Variants in PCSK9 observed in about 807,000 individuals in gnomAD.
PCSK9 encodes convertase subtilisin/kexin type 9 preproprotein.
Under a neutral mutation model 62.1 loss-of-function variants are expected in PCSK9, and 57 were observed. The ratio of observed to expected loss-of-function variants is 0.92; its 90% CI spans 0.74 to 1.14. The LOEUF (loss-of-function observed/expected upper bound fraction) is 1.14. PCSK9 is among the 50% of genes most tolerant of loss of function. The probability of loss-of-function intolerance (pLI) is 0.00; values close to 1 mark genes in which losing one functional copy is unlikely to be tolerated. For missense variants in PCSK9, 870 were observed against 959.8 expected, an observed-to-expected ratio of 0.91 and a Z score of 1.24; for synonymous variants, 387 against 409.4, an observed-to-expected ratio of 0.95 and a Z score of 0.66.
rs768895535 is a variant in PCSK9, at chr1:55,043,887, G to A, written c.252G>A (p.Glu84=). The A allele has an allele frequency of 6.2e-7, 1 of 1,614,222 alleles. No individual in the cohort carries two copies. The highest frequency in any genetic ancestry group is 8.5e-7 in the Non-Finnish European group (1 of 1,180,036). The change falls in exon 2 of 12, where the codon GAG becomes GAA. Residue 84 remains glutamate, a synonymous_variant. Transcript: ENST00000302118. ...LPGTYVVVLK[E]ETHLSQSERT... ...GCACCTACGTGGTGGTGCTGAAGGA[G>A]GAGACCCACCTCTCGCAGTCAGAGC...
Position 55,040,111 on chromosome 1 carries a change from C to T in PCSK9, c.207+67C>T. ...GGGACGGTGCGGTGCTGTTTCCTCTCGGGCCTCAGTTTCCCCCCATGTAAG... is the reference window on the plus strand; with the variant it reads ...GGGACGGTGCGGTGCTGTTTCCTCTTGGGCCTCAGTTTCCCCCCATGTAAG... On this transcript the variant is annotated intron_variant, in intron 1 of 11. Transcript: ENST00000302118. The surrounding 1 kb of genome is among the most constrained non-coding windows in gnomAD (Gnocchi z 4.1). 2.6e-6 allele frequency: 4 copies of T among 1,518,674 alleles called. No homozygotes were observed. Among genetic ancestry groups the T allele is most frequent in the South Asian group, 1.2e-5 (1 of 82,894 alleles). The allele number at this position is 1,518,674 out of a possible 1,614,324, so 94.1% of individuals were successfully genotyped here. A position where few individuals can be genotyped will look rare whatever the true frequency, so the allele number is the denominator to read the frequency against.
In PCSK9 at chr1:55,039,581, C is replaced by A; in HGVS notation, c.-257C>A. The A allele has an allele frequency of 1.7e-6, 1 of 576,792 alleles. No individual in the cohort carries two copies. The highest frequency in any genetic ancestry group is 2.1e-5 in the South Asian group (1 of 47,056). 35.7% of individuals were successfully genotyped at this position (576,792 alleles called of 1,614,324 possible). On this transcript the variant is annotated 5_prime_UTR_variant, in exon 1 of 12. Coordinates refer to ENST00000302118, the MANE Select transcript of PCSK9 (RefSeq NM_174936.4). ...CGAGGCGCTCATGGTTGCAGGCGGG[C>A]GCCGCCGTTCAGTTCAGGGTCTGAG...
Position 55,046,583 on chromosome 1 carries a change from AT to A in PCSK9, c.461del (p.Ile154ThrfsTer32). 6.2e-7 allele frequency: 1 copy of A among 1,614,166 alleles called. No homozygotes were observed. The highest frequency in any genetic ancestry group is 1.1e-5 in the South Asian group (1 of 91,076). On this transcript the variant is annotated frameshift_variant, in exon 3 of 12. Transcript: ENST00000302118. LOFTEE classifies it high-confidence loss of function. ...EEDSSVFAQS[I>X]PWNLERITPP... ...GGACTCCTCTGTCTTTGCCCAGAGC[AT>A]CCCGTGGAACCTGGAGCGGATTACC...
rs971792054 is a variant in PCSK9 at position 55,040,194 on chromosome 1, G to A, written c.207+150G>A. ...TTCGCTTGGCACGATCTTGGGGACT[G>A]CAGGCAAGGCGGCGGGGGAGGACGG... On this transcript the variant is annotated intron_variant, in intron 1 of 11. Transcript: ENST00000302118. This position sits in a 1 kb window ranked among gnomAD's most constrained non-coding sequence, Gnocchi z 4.1. The A allele has an allele frequency of 3.6e-6, 4 of 1,112,288 alleles. No individual in the cohort carries two copies. Among genetic ancestry groups the A allele is most frequent in the Non-Finnish European group, 5.1e-6 (4 of 785,388 alleles). The allele number at this position is 1,112,288 out of a possible 1,614,324, so 68.9% of individuals were successfully genotyped here. A position where few individuals can be genotyped will look rare whatever the true frequency, so the allele number is the denominator to read the frequency against.
chr1:55,039,908 G>A lies in PCSK9; in HGVS notation c.71G>A (p.Gly24Asp). The A allele has an allele frequency of 1.3e-6, 2 of 1,565,106 alleles. No homozygotes were observed. Among genetic ancestry groups the A allele is most frequent in the East Asian group, 4.7e-5 (2 of 42,360 alleles). Residue 24 changes from glycine to aspartate, a missense_variant, in exon 1 of 12, where the codon GGT becomes GAT. Gly to Asp is a moderately conservative substitution (Grantham distance 94, BLOSUM62 -1). Coordinates refer to ENST00000302118, the MANE Select transcript of PCSK9 (RefSeq NM_174936.4). ...PLLLLLLLLL[G>D]PAGARAQEDE... ...CTGCTGCTGCTGCTGCTGCTCCTGG[G>A]TCCCGCGGGCGCCCGTGCGCAGGAG...
intron 3 of PCSK9, among the ~76,000 whole-genome samples, chr1:55,049,415 G>T (rs1033792644): frequency 6.6e-6 from 1 of 152,210 alleles, no homozygotes; most frequent in Non-Finnish European, 1.5e-5. Flanking sequence ...CTGCTCTGGA[G>T]GTATGCAAGC....
intron 11 of PCSK9, among the ~76,000 whole-genome samples, chr1:55,062,070 G>A (rs916278692): frequency 1.3e-5 from 2 of 152,224 alleles, no homozygotes; most frequent in Admixed American, 1.3e-4. Context: ...AGCTCACTCA[G>A]CCGTGACCCA....
At chr1:55,045,080 C>T (rs1279089880) in intron 2 of PCSK9, among the ~76,000 whole-genome samples, 1 of 152,178 alleles carries the variant, frequency 6.6e-6, no homozygotes, top group Non-Finnish European at 1.5e-5. Context: ...GGAGGAGAGA[C>T]TGACCAGTGA....
At chr1:55,062,402 G>A (rs1557509211) in intron 11 of PCSK9, among the ~76,000 whole-genome samples, 1 of 152,206 alleles carries the variant, frequency 6.6e-6, no homozygotes, top group South Asian at 2.1e-4. Flanking sequence ...GGGCTGCTAG[G>A]TTCCAGGTGC....
chr1:55,051,883 A>G (rs1644676401), intron 3 of PCSK9: 1 of 318,016 alleles, frequency 3.1e-6, no homozygotes, highest in Admixed American at 4.4e-5. Flanking sequence ...TGAGTCTTTA[A>G]ATCTTGTTGT....
chr1:55,046,537 C>T lies in PCSK9; in HGVS notation c.414C>T (p.Pro138=). The part of the protein sequence containing the change: ...GDLLELALKL[P]HVDYIEEDSS... ...GGCTTCTGCAGGCCTTGAAGTTGCC[C>T]CATGTCGACTACATCGAGGAGGACT... Residue 138 remains proline, a synonymous_variant, in exon 3 of 12, where the codon CCC becomes CCT. Transcript: ENST00000302118. 1 of 1,614,124 alleles carries T rather than the reference C, an allele frequency of 6.2e-7. No homozygotes were observed. The highest frequency in any genetic ancestry group is 8.5e-7 in the Non-Finnish European group (1 of 1,180,030).
chr1:55,057,710 T>C (rs1209664425), intron 7 of PCSK9, among the ~76,000 whole-genome samples, 196 bp downstream of exon 7: 2 of 152,052 alleles, frequency 1.3e-5, no homozygotes, highest in African/African-American at 4.8e-5. Flanking sequence ...AGGGCTGTAT[T>C]AGAGGGAGCC....
At chr1:55,044,093 C>T in intron 2 of PCSK9, 59 bp downstream of exon 2, 1 of 1,581,388 alleles carries the variant, frequency 6.3e-7, no homozygotes, top group Non-Finnish European at 8.7e-7. Context: ...TGCATATACA[C>T]TGGGGACTGT....
intron 9 of PCSK9, among the ~76,000 whole-genome samples, chr1:55,059,124 A>G (rs905557327): frequency 6.6e-6 from 1 of 152,240 alleles, no homozygotes; most frequent in Non-Finnish European, 1.5e-5. Context: ...GGCAGTGCCC[A>G]GCTAGGAGAG....
chr1:55,044,496 C>T (rs1437162079), intron 2 of PCSK9, among the ~76,000 whole-genome samples: 1 of 152,154 alleles, frequency 6.6e-6, no homozygotes, highest in Non-Finnish European at 1.5e-5. Flanking sequence ...TTCTTTAGGA[C>T]AGGGTGGCCC....
At position 55,058,071 on chromosome 1, in the gene PCSK9, C is replaced by G. The variant is rs746767777; in HGVS notation, c.1216C>G (p.Leu406Val). The G allele has an allele frequency of 6.2e-7, 1 of 1,613,820 alleles. No homozygotes were observed. Among genetic ancestry groups the G allele is most frequent in the South Asian group, 1.1e-5 (1 of 91,090 alleles). Residue 406 changes from leucine to valine, a missense_variant, in exon 8 of 12, where the codon CTC (leucine) becomes GTC (valine). By Grantham distance (32) the Leu-to-Val change is conservative (BLOSUM62 1). Coordinates refer to ENST00000302118, the MANE Select transcript of PCSK9 (RefSeq NM_174936.4). ...AAMMLSAEPE[L>V]TLAELRQRLI... Reference sequence around the variant, plus strand: ...CATGATGCTGTCTGCCGAGCCGGAGCTCACCCTGGCCGAGTTGAGGCAGAG... The same window carrying G: ...CATGATGCTGTCTGCCGAGCCGGAGGTCACCCTGGCCGAGTTGAGGCAGAG...
chr1:55,056,251 AGGGCGGGC>A, intron 6 of PCSK9, 62 bp downstream of exon 6: 2 of 10,530 alleles, frequency 1.9e-4, no homozygotes, highest in Non-Finnish European at 3.8e-4. Flanking sequence ...GGGCGGAGGG[AGGGCGGGC>A]GGGCAGGCGG....
chr1:55,059,934 G>A (rs1644746521), intron 10 of PCSK9, among the ~76,000 whole-genome samples: 1 of 152,230 alleles, frequency 6.6e-6, no homozygotes, highest in Non-Finnish European at 1.5e-5. Context: ...GCACTGGCCT[G>A]GAGTATCGCA....
intron 5 of PCSK9, among the ~76,000 whole-genome samples, chr1:55,055,009 GAAAA>G (rs11302533): frequency 3.5e-5 from 5 of 141,484 alleles, no homozygotes; most frequent in African/African-American, 1.3e-4. Flanking sequence ...CGTCTGGAAA[GAAAA>G]AAAAAAAAAA....
Sources: gnomAD v4.1 joint callset for allele counts (sites outside exome capture counted in the v4.1 genomes callset) on GRCh38, gnomAD v4.1.1 for gene constraint, Gnocchi (gnomAD v3.1) non-coding constraint, MANE v1.5 for transcripts, NCBI Gene and HGNC (gene_info 2026-07-23, HGNC 2026-07-21) for gene names.